KAZN: variants seen among roughly 807,000 people sequenced by gnomAD.
KAZN encodes the protein kazrin.
A neutral mutation model predicts 87.4 loss-of-function variants in KAZN; 40 were observed. The ratio of observed to expected loss-of-function variants is 0.46; its 90% CI spans 0.36 to 0.60. The LOEUF is 0.60. Among genes scored for constraint, KAZN ranks in the 20% least tolerant of loss-of-function variants. KAZN has a pLI of 0.00. For synonymous variants in KAZN, 466 were observed against 458.3 expected (o/e 1.02, Z -0.22); for missense variants, 898 against 1,073.9 (o/e 0.84, Z 2.29).
At chr1:14,926,579 C>G (rs1659194295) in intron 1 of KAZN, among the ~76,000 whole-genome samples, 1 of 152,196 alleles carries the variant, frequency 6.6e-6, no homozygotes, top group African/African-American at 2.4e-5. Flanking sequence ...CCTTTCTGGT[C>G]TCTGGTTCTT....
chr1:14,462,032 A>G (rs547365774), intron 2 of KAZN, among the ~76,000 whole-genome samples: 2 of 151,572 alleles, frequency 1.3e-5, no homozygotes, highest in South Asian at 2.1e-4. Context: ...AATATTTCCT[A>G]TTTCCAGTTT....
chr1:14,651,592 C>CA (rs1231109421), intron 1 of KAZN, among the ~76,000 whole-genome samples: 7 of 152,176 alleles, frequency 4.6e-5, no homozygotes, highest in Admixed American at 4.6e-4. Context: ...TCACCTGGTA[C>CA]AAAACCATTG....
chr1:14,863,381 G>A (rs3765382), intron 1 of KAZN, among the ~76,000 whole-genome samples: 68,216 of 151,836 alleles, frequency 0.45, 16,973 homozygotes, highest in African/African-American at 0.65. Flanking sequence ...GGTTTCTGCT[G>A]TGTTGGGGGA....
chr1:14,410,677 A>G (rs1664232583), intron 2 of KAZN, among the ~76,000 whole-genome samples: 1 of 152,196 alleles, frequency 6.6e-6, no homozygotes, highest in African/African-American at 2.4e-5. Context: ...TGTCCTTATG[A>G]GAGGGAAGTA....
chr1:13,978,394 C>T (rs1638481695), intron 1 of KAZN, among the ~76,000 whole-genome samples: 1 of 151,456 alleles, frequency 6.6e-6, no homozygotes, highest in Non-Finnish European at 1.5e-5. Context: ...TTTTCAGACA[C>T]AGACTTTAAA....
chr1:14,352,530 C>T (rs1658637337), intron 2 of KAZN, among the ~76,000 whole-genome samples: 1 of 152,186 alleles, frequency 6.6e-6, no homozygotes, highest in African/African-American at 2.4e-5. Context: ...AAAACCCATA[C>T]TTGGGTATGC....
chr1:14,745,669 T>C lies in KAZN; in HGVS notation c.226+146446T>C, dbSNP rs143050738. On this transcript the variant is annotated intron_variant, in intron 1 of 14. Coordinates refer to ENST00000376030, the MANE Select transcript of KAZN (RefSeq NM_201628.3). The stretch of plus-strand genomic sequence containing the variant: ...TAGGTTGGTTGGGGGAAAACAGTGG[T>C]TAAATATGGTGGAAGAGTGGGGAAG... Among the ~76,000 whole-genome samples, 414 of 152,186 alleles carry C rather than the reference T, an allele frequency of 2.7e-3. 2 individuals carry two copies. The highest frequency in any genetic ancestry group is 9.2e-3 in the African/African-American group (384 of 41,514).
At chr1:14,022,591 A>T (rs1191198179) in intron 1 of KAZN, among the ~76,000 whole-genome samples, 4 of 151,570 alleles carry the variant, frequency 2.6e-5, no homozygotes, top group Admixed American at 2.6e-4. Flanking sequence ...GCGTTTCTAT[A>T]ATATTGTTTT....
At chr1:14,326,290 A>G (rs1045583866) in intron 2 of KAZN, among the ~76,000 whole-genome samples, 9 of 152,132 alleles carry the variant, frequency 5.9e-5, no homozygotes, top group African/African-American at 2.2e-4. Flanking sequence ...CCAAAAAGCC[A>G]TCCTTGTTGT....
At chr1:14,840,489 G>C (rs990044076) in intron 1 of KAZN, among the ~76,000 whole-genome samples, 2 of 152,230 alleles carry the variant, frequency 1.3e-5, no homozygotes, top group African/African-American at 4.8e-5. Context: ...AAGGGTGAAG[G>C]CTCTCCTGAT....
chr1:14,357,108 G>A (rs1364312057), intron 2 of KAZN, among the ~76,000 whole-genome samples: 3 of 152,096 alleles, frequency 2.0e-5, no homozygotes, highest in Non-Finnish European at 4.4e-5. Flanking sequence ...CTTGAGCAGT[G>A]GTTTGTAGTT....
intron 2 of KAZN, among the ~76,000 whole-genome samples, chr1:14,468,649 G>A (rs1305885016): frequency 6.6e-6 from 1 of 152,178 alleles, no homozygotes; most frequent in Non-Finnish European, 1.5e-5. Context: ...ATGAACATTA[G>A]AATCAAAGCT....
At chr1:14,955,197 T>C (rs1490931935) in intron 1 of KAZN, among the ~76,000 whole-genome samples, 2 of 152,232 alleles carry the variant, frequency 1.3e-5, no homozygotes, top group Admixed American at 6.5e-5. Context: ...AGCTTCTTTA[T>C]TGTTTCTTCA....
intron 2 of KAZN, among the ~76,000 whole-genome samples, chr1:14,466,963 T>C (rs987270695): frequency 3.3e-5 from 5 of 152,130 alleles, no homozygotes; most frequent in Admixed American, 6.6e-5. Context: ...TGCAAGACTC[T>C]GTCTCAAAAA....
In KAZN at chr1:15,096,964, C is replaced by G. The variant is rs58865183; in HGVS notation, c.1547+2031C>G. Among the ~76,000 whole-genome samples the G allele has an allele frequency of 6.9e-3, 1,055 of 152,288 alleles. 12 individuals carry two copies. Among genetic ancestry groups the G allele is most frequent in the African/African-American group, 0.024 (1,014 of 41,564 alleles). ...CCTCCAGGAACCAGGAGTCTGTGGT[C>G]CCAGGGATCGTGGAGCCCCACCCTT... is the stretch of plus-strand genomic sequence containing the variant. On this transcript the variant is annotated intron_variant, in intron 10 of 14. Coordinates refer to ENST00000376030, the MANE Select transcript of KAZN (RefSeq NM_201628.3). The surrounding 1 kb of genome is among the most constrained non-coding windows in gnomAD (Gnocchi z 4.5).
intron 2 of KAZN, among the ~76,000 whole-genome samples, chr1:14,361,964 G>A (rs568728496): frequency 1.3e-5 from 2 of 152,312 alleles, no homozygotes; most frequent in African/African-American, 4.8e-5. Flanking sequence ...TAATGAGAAG[G>A]AAAAGTTAAG....
At chr1:13,978,495 A>AATATAT (rs144800375) in intron 1 of KAZN, among the ~76,000 whole-genome samples, 11 of 147,512 alleles carry the variant, frequency 7.5e-5, no homozygotes, top group Non-Finnish European at 1.3e-4. Context: ...TATAGAGATA[A>AATATAT]ATATATATAT....
intron 1 of KAZN, among the ~76,000 whole-genome samples, chr1:13,921,633 T>A (rs1570282643): frequency 6.9e-6 from 1 of 145,460 alleles, no homozygotes; most frequent in East Asian, 2.7e-4. Flanking sequence ...GTTGTTTGCA[T>A]TTTTTTTTTT....
intron 1 of KAZN, among the ~76,000 whole-genome samples, chr1:14,942,368 A>G (rs919555373): frequency 6.6e-6 from 1 of 152,222 alleles, no homozygotes; most frequent in African/African-American, 2.4e-5. Flanking sequence ...AAAAGGAAAG[A>G]TCTAGTAGAA....
Sources: allele counts gnomAD v4.1 joint callset (sites outside exome capture counted in the v4.1 genomes callset), GRCh38; gene constraint gnomAD v4.1.1; non-coding constraint Gnocchi (gnomAD v3.1); transcripts MANE v1.5; gene names NCBI Gene and HGNC (gene_info 2026-07-23, HGNC 2026-07-21).